CHD5: variants seen among roughly 807,000 people sequenced by gnomAD.
The protein encoded by CHD5 is ATP-dependent chromatin remodeler CHD5.
In CHD5, 69 loss-of-function variants were observed where a neutral mutation model predicts 230.3. That is an observed-to-expected ratio of 0.30 (90% CI 0.25 to 0.37). The LOEUF is 0.37. Ranked by LOEUF, CHD5 falls within the 10% of genes least tolerant of loss-of-function variation. The pLI, the probability that CHD5 is intolerant of heterozygous loss-of-function variation, is 1.00. For missense variants in CHD5, 1,827 were observed against 2,622.8 expected, an observed-to-expected ratio of 0.70 and a Z score of 6.63; for synonymous variants, 1,064 against 1,065.9, an observed-to-expected ratio of 1.00 and a Z score of 0.03.
chr1:6,135,168 C>G, intron 18 of CHD5, 62 bp downstream of exon 18: 1 of 1,599,078 alleles, frequency 6.3e-7, no homozygotes, highest in East Asian at 2.2e-5. Flanking sequence ...GGAATCGACC[C>G]AGGAGACCAG....
At chr1:6,110,775 C>A (rs1489091859) in intron 36 of CHD5, among the ~76,000 whole-genome samples, 2 of 152,212 alleles carry the variant, frequency 1.3e-5, no homozygotes, top group Non-Finnish European at 2.9e-5. Flanking sequence ...TAACTCTTCA[C>A]CCCAACAACC....
rs1345184572 is a variant in CHD5 at position 6,128,708 on chromosome 1, G to A, written c.3620-99C>T. 2 of 1,288,824 alleles carry A rather than the reference G, an allele frequency of 1.6e-6. No individual in the cohort carries two copies. The highest frequency in any genetic ancestry group is 2.9e-5 in the African/African-American group (2 of 68,180). 79.8% of individuals were successfully genotyped at this position (1,288,824 alleles called of 1,614,324 possible). A position where few individuals can be genotyped will look rare whatever the true frequency, so the allele number is the denominator to read the frequency against. ...CACCACCCTGGGCTGTCCTAGCCAG[G>A]AGATACAGGTGGGGGGTGCAGAAGA... On this transcript the variant is annotated intron_variant, in intron 23 of 41. Coordinates refer to ENST00000262450, the MANE Select transcript of CHD5 (RefSeq NM_015557.3). The surrounding 1 kb of genome is among the most constrained non-coding windows in gnomAD (Gnocchi z 7.8).
chr1:6,129,123 G>A lies in CHD5; in HGVS notation c.3388-54C>T. Reference sequence around the variant, plus strand: ...GGCTCACCCAGGGCTCCAGGCAATGGAGGAGATCACACCCATGAGCTCAAG... The same window carrying A: ...GGCTCACCCAGGGCTCCAGGCAATGAAGGAGATCACACCCATGAGCTCAAG... On this transcript the variant is annotated intron_variant, in intron 22 of 41. Coordinates refer to ENST00000262450, the MANE Select transcript of CHD5 (RefSeq NM_015557.3). This position sits in a 1 kb window ranked among gnomAD's most constrained non-coding sequence, Gnocchi z 6.8. 1 of 1,275,694 alleles carries A rather than the reference G, an allele frequency of 7.8e-7. No homozygotes were observed. Among genetic ancestry groups the A allele is most frequent in the South Asian group, 1.3e-5 (1 of 79,858 alleles). The allele number at this position is 1,275,694 out of a possible 1,614,324, so 79.0% of individuals were successfully genotyped here. A position where few individuals can be genotyped will look rare whatever the true frequency, so the allele number is the denominator to read the frequency against.
rs763217700 is a variant in CHD5 at position 6,111,897 on chromosome 1, C to G, written c.5141-14G>C. ...GCGTGTGCAACTCTGGGAAACAAGC[C>G]AAGGTGAGCAGGGTGAGAAGTGCCC... On this transcript the variant is annotated splice_polypyrimidine_tract_variant and intron_variant, in intron 35 of 41. Coordinates refer to ENST00000262450, the MANE Select transcript of CHD5 (RefSeq NM_015557.3). The G allele has an allele frequency of 1.2e-6, 2 of 1,610,232 alleles. No homozygotes were observed. Among genetic ancestry groups the G allele is most frequent in the Non-Finnish European group, 1.7e-6 (2 of 1,177,574 alleles).
At chr1:6,149,173 C>G in intron 8 of CHD5, 73 bp downstream of exon 8, 1 of 1,479,408 alleles carries the variant, frequency 6.8e-7, no homozygotes, top group Non-Finnish European at 9.0e-7. Flanking sequence ...GCATTCTGCC[C>G]CCAAATGAGG....
In CHD5 at chr1:6,136,299, C is replaced by T. The variant is rs143526251; in HGVS notation, c.2696+218G>A. Reference sequence around the variant, plus strand: ...TAAGGAAAAGTCGTGGTATTAGCAGCAGTTGATATTTACCAAACATTCCCA... The same window carrying T: ...TAAGGAAAAGTCGTGGTATTAGCAGTAGTTGATATTTACCAAACATTCCCA... On this transcript the variant is annotated intron_variant, in intron 17 of 41. Coordinates refer to ENST00000262450, the MANE Select transcript of CHD5 (RefSeq NM_015557.3). Among the ~76,000 whole-genome samples, 270 of 152,334 alleles carry T rather than the reference C, an allele frequency of 1.8e-3. 1 individual carries two copies. Among genetic ancestry groups the T allele is most frequent in the African/African-American group, 6.1e-3 (255 of 41,586 alleles).
Position 6,149,061 on chromosome 1 carries a change from G to A in CHD5, c.1176C>T (p.Ile392=). The A allele has an allele frequency of 1.3e-6, 2 of 1,551,328 alleles. No homozygotes were observed. Among genetic ancestry groups the A allele is most frequent in the Non-Finnish European group, 1.7e-6 (2 of 1,149,692 alleles). ...WSCPHCEKEG[I]QWEPKDDDDE... is the part of the protein sequence containing the mutation. ...CGTCGTCGTCCTTCGGCTCCCACTG[G>A]ATCCCCTCCTTCTCCTGGGGGAGGA... The change falls in exon 9 of 42, where the codon ATC becomes ATT. Residue 392 remains isoleucine, a synonymous_variant. Coordinates refer to ENST00000262450, the MANE Select transcript of CHD5 (RefSeq NM_015557.3).
Position 6,146,993 on chromosome 1 carries a change from C to G in CHD5, c.1384-122G>C. Reference sequence around the variant, plus strand: ...CAGTGCCACTGCCCCCAAGTCAGAACAGTACCACGGTGACGCCATGACATC... The same window carrying G: ...CAGTGCCACTGCCCCCAAGTCAGAAGAGTACCACGGTGACGCCATGACATC... On this transcript the variant is annotated intron_variant, in intron 9 of 41. Transcript: ENST00000262450. The surrounding 1 kb of genome is among the most constrained non-coding windows in gnomAD (Gnocchi z 5.1). 2.7e-6 allele frequency: 2 copies of G among 752,732 alleles called. No homozygotes were observed. Among genetic ancestry groups the G allele is most frequent in the Non-Finnish European group, 2.1e-6 (1 of 477,828 alleles). The allele number at this position is 752,732 out of a possible 1,614,324, so 46.6% of individuals were successfully genotyped here.
At chr1:6,122,823 A>T (rs1666492091) in intron 31 of CHD5, among the ~76,000 whole-genome samples, 1 of 152,198 alleles carries the variant, frequency 6.6e-6, no homozygotes, top group Admixed American at 6.5e-5. Flanking sequence ...TAATCCCAGC[A>T]CGTTGGGAGG....
In CHD5 at chr1:6,131,464, A is replaced by G. The variant is rs1666656890; in HGVS notation, c.3262+167T>C. Among the ~76,000 whole-genome samples, 1 of 152,118 alleles carries G rather than the reference A, an allele frequency of 6.6e-6. No individual in the cohort carries two copies. Among genetic ancestry groups the G allele is most frequent in the South Asian group, 2.1e-4 (1 of 4,818 alleles). On this transcript the variant is annotated intron_variant, in intron 21 of 41. Transcript: ENST00000262450. This position sits in a 1 kb window ranked among gnomAD's most constrained non-coding sequence, Gnocchi z 5.0. The stretch of plus-strand genomic sequence containing the variant: ...CTGGGCCCCTCAGAACTCCGATTCC[A>G]TGGGAGGAATCCTTTTAACATTGGA...
chr1:6,179,990 G>T lies in CHD5; in HGVS notation c.34C>A (p.Pro12Thr). The T allele has an allele frequency of 7.2e-7, 1 of 1,388,946 alleles. No individual in the cohort carries two copies. The highest frequency in any genetic ancestry group is 9.4e-7 in the Non-Finnish European group (1 of 1,059,598). The allele number at this position is 1,388,946 out of a possible 1,614,324, so 86.0% of individuals were successfully genotyped here. The change falls in exon 1 of 42, where the codon CCG becomes ACG. Residue 12 changes from proline (P) to threonine (T), a missense_variant. Physicochemically the swap from Pro to Thr is conservative, Grantham distance 38. Transcript: ENST00000262450. The stretch of plus-strand genomic sequence containing the variant: ...TCCATCTCCTCGGCGAACAGCCGCG[G>T]CAGCTCCTCCTCGGTGCCCACTGGG... ...RGPVGTEEEL[P>T]RLFAEEMENE...
intron 2 of CHD5, among the ~76,000 whole-genome samples, chr1:6,165,806 C>T (rs940554796): frequency 6.6e-6 from 1 of 152,092 alleles, no homozygotes; most frequent in South Asian, 2.1e-4. Flanking sequence ...GCCTCTCCTT[C>T]CCTGGGGGAG....
At chr1:6,109,624 T>C (rs1023629320) in intron 38 of CHD5, among the ~76,000 whole-genome samples, 171 bp downstream of exon 38, 1 of 152,032 alleles carries the variant, frequency 6.6e-6, no homozygotes, top group African/African-American at 2.4e-5. Flanking sequence ...GCAGGGGAGA[T>C]AAGGGGTCTG....
At chr1:6,136,671 C>A (rs1452438957) in intron 16 of CHD5, 33 bp from the exon 17 acceptor site, 2 of 1,612,808 alleles carry the variant, frequency 1.2e-6, no homozygotes. Flanking sequence ...TGTCAGGGGG[C>A]TCTGGGCGGC....
intron 17 of CHD5, 121 bp from the exon 18 acceptor site, chr1:6,135,524 C>T (rs35681854): frequency 2.5e-6 from 2 of 804,064 alleles, no homozygotes; most frequent in South Asian, 1.8e-5. Context: ...TGGCATTGCC[C>T]TGGATATCGT....
rs756565243 is a variant in CHD5, at chr1:6,126,568, G to A, written c.4078+4C>T. 13 of 1,612,126 alleles carry A rather than the reference G, an allele frequency of 8.1e-6. No individual in the cohort carries two copies. Among genetic ancestry groups the A allele is most frequent in the South Asian group, 5.5e-5 (5 of 91,032 alleles). On this transcript the variant is annotated splice_donor_region_variant and intron_variant, in intron 26 of 41. Transcript: ENST00000262450. The surrounding 1 kb of genome is among the most constrained non-coding windows in gnomAD (Gnocchi z 5.7). Reference sequence around the variant, plus strand: ...GGCACCAGTCCCTCCCTCCCGGCACGCACCCTGGTCCTCCTGGGAGGCATC... The same window carrying A: ...GGCACCAGTCCCTCCCTCCCGGCACACACCCTGGTCCTCCTGGGAGGCATC...
At chr1:6,119,210 G>A (rs547533028) in intron 33 of CHD5, among the ~76,000 whole-genome samples, 11 of 151,394 alleles carry the variant, frequency 7.3e-5, no homozygotes, top group South Asian at 6.3e-4. Flanking sequence ...GCAGTGGTGC[G>A]ACCTCAGCCT....
At chr1:6,137,578 C>T (rs891765039) in intron 15 of CHD5, among the ~76,000 whole-genome samples, 12 of 152,242 alleles carry the variant, frequency 7.9e-5, no homozygotes, top group Non-Finnish European at 1.6e-4. Context: ...AGCAATCCTC[C>T]TGCCTCAGTC....
chr1:6,111,362 C>G (rs189804328), intron 36 of CHD5, among the ~76,000 whole-genome samples: 1 of 151,556 alleles, frequency 6.6e-6, no homozygotes, highest in South Asian at 2.1e-4. Flanking sequence ...GGTGAAACCC[C>G]GTCTCTACTA....
Sources: gnomAD v4.1 joint callset for allele counts (sites outside exome capture counted in the v4.1 genomes callset) on GRCh38, gnomAD v4.1.1 for gene constraint, Gnocchi (gnomAD v3.1) non-coding constraint, MANE v1.5 for transcripts, NCBI Gene and HGNC (gene_info 2026-07-23, HGNC 2026-07-21) for gene names.